Variants in MTSS1 observed in about 807,000 individuals in gnomAD.
MTSS1 encodes the protein protein MTSS 1.
In MTSS1, 18 loss-of-function variants were observed where a neutral mutation model predicts 79.0. The ratio of observed to expected loss-of-function variants is 0.23; its 90% CI spans 0.16 to 0.34. The LOEUF is 0.34. MTSS1 is among the 10% of genes least tolerant of loss of function. The pLI is 1.00. For synonymous variants in MTSS1, 341 were observed against 368.6 expected, an observed-to-expected ratio of 0.93 and a Z score of 0.86; for missense variants, 815 against 986.2, an observed-to-expected ratio of 0.83 and a Z score of 2.33.
chr8:124,591,103 T>C (rs1271637775), intron 4 of MTSS1, 48 bp downstream of exon 4: 25 of 1,514,294 alleles, frequency 1.7e-5, no homozygotes, highest in Non-Finnish European at 1.9e-5. Context: ...TTCCTTAACC[T>C]GAAATCTGCA....
Position 124,727,995 on chromosome 8 carries a change from CG to C in MTSS1, c.-41del. 1 of 1,574,650 alleles carries C rather than the reference CG, an allele frequency of 6.4e-7. No homozygotes were observed. The highest frequency in any genetic ancestry group is 8.7e-7 in the Non-Finnish European group (1 of 1,151,858). On this transcript the variant is annotated 5_prime_UTR_variant, in exon 1 of 14. Coordinates refer to ENST00000518547, the MANE Select transcript of MTSS1 (RefSeq NM_014751.6). This position sits in a 1 kb window ranked among gnomAD's most constrained non-coding sequence, Gnocchi z 4.7. Reference sequence around the variant, plus strand: ...CAGGGCGAGGGCACACACGCGGGGCCGCTGGACTGCGCGCGGGGCCGGGGCT... The same window carrying C: ...CAGGGCGAGGGCACACACGCGGGGCCCTGGACTGCGCGCGGGGCCGGGGCT...
At chr8:124,668,206 G>A (rs531807565) in intron 3 of MTSS1, among the ~76,000 whole-genome samples, 151 of 152,350 alleles carry the variant, frequency 9.9e-4, no homozygotes, top group Middle Eastern at 6.8e-3. Context: ...CGTGTGGGCT[G>A]TAGGAAGGTG....
At chr8:124,625,354 G>A (rs1010269511) in intron 3 of MTSS1, among the ~76,000 whole-genome samples, 1 of 152,198 alleles carries the variant, frequency 6.6e-6, no homozygotes, top group South Asian at 2.1e-4. Flanking sequence ...GTGAGCAAGG[G>A]TTTCTTGGCA....
At chr8:124,631,019 ACCT>A (rs1380808527) in intron 3 of MTSS1, among the ~76,000 whole-genome samples, 3 of 152,220 alleles carry the variant, frequency 2.0e-5, no homozygotes, top group African/African-American at 7.2e-5. Context: ...TACCAACTAC[ACCT>A]GGAGCCAGAA....
At chr8:124,672,056 T>C (rs1320515822) in intron 3 of MTSS1, among the ~76,000 whole-genome samples, 2 of 152,226 alleles carry the variant, frequency 1.3e-5, no homozygotes, top group African/African-American at 2.4e-5. Flanking sequence ...GAGATATCAG[T>C]TGGAATGCAG....
At chr8:124,620,361 G>A (rs1183041224) in intron 3 of MTSS1, among the ~76,000 whole-genome samples, 2 of 152,158 alleles carry the variant, frequency 1.3e-5, no homozygotes, top group African/African-American at 4.8e-5. Flanking sequence ...TTTTGTCTGT[G>A]GGAAAATGCT....
At chr8:124,691,752 G>A (rs1827970839) in intron 3 of MTSS1, among the ~76,000 whole-genome samples, 2 of 152,206 alleles carry the variant, frequency 1.3e-5, no homozygotes, top group African/African-American at 2.4e-5. Flanking sequence ...CTGACCTCAA[G>A]TGATCCACCG....
Position 124,624,660 on chromosome 8 carries a change from CA to C in MTSS1, c.209-33426del, listed in dbSNP as rs559356447. ...TTTGGTTTGGCTGAGTCTCAGGTGC[CA>C]GGGGGAAGGCCAAATATCCCTGCAC... On this transcript the variant is annotated intron_variant, in intron 3 of 13. Transcript: ENST00000518547. 5.7e-4 allele frequency among the ~76,000 whole-genome samples: 87 copies of C among 152,262 alleles called. No individual in the cohort carries two copies. In the South Asian group the frequency reaches 0.017, roughly 30 times the overall value.
At chr8:124,608,942 G>A (rs988961995) in intron 3 of MTSS1, among the ~76,000 whole-genome samples, 7 of 152,212 alleles carry the variant, frequency 4.6e-5, no homozygotes, top group African/African-American at 1.7e-4. Context: ...AGGATCACCA[G>A]GAAATTGTGC....
At chr8:124,725,106 A>G (rs938669714) in intron 1 of MTSS1, among the ~76,000 whole-genome samples, 10 of 152,192 alleles carry the variant, frequency 6.6e-5, no homozygotes. Context: ...CCTCTCGTCA[A>G]GGAATCGATA....
At chr8:124,621,259 T>C (rs1016007339) in intron 3 of MTSS1, among the ~76,000 whole-genome samples, 15 of 152,184 alleles carry the variant, frequency 9.9e-5, no homozygotes, top group African/African-American at 3.6e-4. Context: ...AGTCACAATA[T>C]CCCTGCAGTG....
At chr8:124,642,115 T>C (rs1300824936) in intron 3 of MTSS1, among the ~76,000 whole-genome samples, 1 of 152,206 alleles carries the variant, frequency 6.6e-6, no homozygotes, top group Admixed American at 6.5e-5. Context: ...TTCAAGTACT[T>C]AGCATTTCAT....
rs898509555 is a variant in MTSS1 at position 124,727,747 on chromosome 8, C to T, written c.72+137G>A. 9 of 736,598 alleles carry T rather than the reference C, an allele frequency of 1.2e-5. No homozygotes were observed. Among genetic ancestry groups the T allele is most frequent in the Non-Finnish European group, 2.0e-5 (9 of 460,326 alleles). The allele number at this position is 736,598 out of a possible 1,614,324, so 45.6% of individuals were successfully genotyped here. A position where few individuals can be genotyped will look rare whatever the true frequency, so the allele number is the denominator to read the frequency against. ...CGCCCCGGGTGAGCAGGTGACACTC[C>T]GGCCGGGAGCTCCCGCAGGTGGCCG... On this transcript the variant is annotated intron_variant, in intron 1 of 13. Transcript: ENST00000518547. This position sits in a 1 kb window ranked among gnomAD's most constrained non-coding sequence, Gnocchi z 4.7.
At chr8:124,572,357 G>A (rs1354759231) in intron 6 of MTSS1, among the ~76,000 whole-genome samples, 2 of 142,912 alleles carry the variant, frequency 1.4e-5, no homozygotes, top group Non-Finnish European at 3.0e-5. Flanking sequence ...AATACAACAT[G>A]TAATTATATT....
chr8:124,680,682 T>C (rs1825986440), intron 3 of MTSS1, among the ~76,000 whole-genome samples: 1 of 152,232 alleles, frequency 6.6e-6, no homozygotes, highest in Non-Finnish European at 1.5e-5. Flanking sequence ...CCAGGTGGTC[T>C]TGACTACCAA....
chr8:124,588,484 G>A (rs1017688083), intron 5 of MTSS1, among the ~76,000 whole-genome samples: 1 of 152,186 alleles, frequency 6.6e-6, no homozygotes. Context: ...GAAAGCATCA[G>A]TGCTATTTGC....
intron 8 of MTSS1, among the ~76,000 whole-genome samples, 170 bp downstream of exon 8, chr8:124,566,901 C>A (rs1200836267): frequency 6.6e-6 from 1 of 152,182 alleles, no homozygotes. Flanking sequence ...GCCTGACACA[C>A]AATAGGTTCT....
At chr8:124,606,868 G>A (rs1834973890) in intron 3 of MTSS1, among the ~76,000 whole-genome samples, 1 of 152,076 alleles carries the variant, frequency 6.6e-6, no homozygotes, top group African/African-American at 2.4e-5. Flanking sequence ...CTTTGGCAGG[G>A]TACACTGCTT....
intron 3 of MTSS1, among the ~76,000 whole-genome samples, chr8:124,660,296 G>T (rs377239723): frequency 3.3e-5 from 5 of 152,110 alleles, no homozygotes; most frequent in African/African-American, 1.2e-4. Context: ...CTGTGCCACA[G>T]AAACAGGGGC....
Sources: allele counts gnomAD v4.1 joint callset (sites outside exome capture counted in the v4.1 genomes callset), GRCh38; gene constraint gnomAD v4.1.1; non-coding constraint Gnocchi (gnomAD v3.1); transcripts MANE v1.5; gene names NCBI Gene and HGNC (gene_info 2026-07-23, HGNC 2026-07-21).